Variants in CEP112 observed in about 807,000 individuals in gnomAD.
CEP112 encodes centrosomal protein 112, also known as centrosomal protein of 112 kDa.
In CEP112, 127 loss-of-function variants were observed where a neutral mutation model predicts 153.0. That is an observed-to-expected ratio of 0.83 (90% confidence interval 0.72 to 0.96). The LOEUF (loss-of-function observed/expected upper bound fraction) is 0.96, where lower values mean the gene tolerates loss of function less well. Among genes scored for constraint, CEP112 ranks in the 40% least tolerant of loss-of-function variants. The pLI, the probability that CEP112 is intolerant of heterozygous loss-of-function variation, is 0.00. For synonymous variants in CEP112, 358 were observed against 374.4 expected (o/e 0.96, Z 0.51); for missense variants, 1,089 against 1,101.2 (o/e 0.99, Z 0.16).
intron 24 of CEP112, among the ~76,000 whole-genome samples, chr17:65,650,051 A>T (rs997016465): frequency 2.6e-5 from 4 of 152,186 alleles, no homozygotes; most frequent in African/African-American, 9.6e-5. Context: ...GCAACTCCAG[A>T]GAGTCACCTG....
rs569818688 is a variant in CEP112, at chr17:65,724,308, ACTACTAG to A, written c.2607+18753_2607+18759del. ...CACTTGAAAAACATGATATATGTGT[ACTACTAG>A]GTTTATTTTGCTTAATTTATTGATT... On this transcript the variant is annotated intron_variant, in intron 23 of 26. Coordinates refer to ENST00000535342, the MANE Select transcript of CEP112 (RefSeq NM_001199165.4). 2.0e-3 allele frequency among the ~76,000 whole-genome samples: 310 copies of A among 152,308 alleles called. 1 individual carries two copies. Among genetic ancestry groups the A allele is most frequent in the African/African-American group, 7.2e-3 (300 of 41,556 alleles).
chr17:65,857,730 A>AT (rs1475742532), intron 20 of CEP112, among the ~76,000 whole-genome samples: 2 of 151,516 alleles, frequency 1.3e-5, no homozygotes, highest in Non-Finnish European at 2.9e-5. Context: ...TCCTTGGCAT[A>AT]TTTTTAAATT....
intron 24 of CEP112, among the ~76,000 whole-genome samples, chr17:65,680,495 T>C (rs184559998): frequency 1.1e-4 from 17 of 152,176 alleles, no homozygotes; most frequent in Admixed American, 1.0e-3. Flanking sequence ...CCTCTCCCTC[T>C]TTCCATCCCG....
intron 22 of CEP112, among the ~76,000 whole-genome samples, chr17:65,749,980 A>G (rs2051722295): frequency 6.6e-6 from 1 of 152,188 alleles, no homozygotes; most frequent in African/African-American, 2.4e-5. Context: ...TTTGTTCTAG[A>G]ATCACTTATA....
intron 20 of CEP112, among the ~76,000 whole-genome samples, chr17:65,878,463 A>G (rs2058925051): frequency 6.6e-6 from 1 of 152,190 alleles, no homozygotes; most frequent in Non-Finnish European, 1.5e-5. Context: ...GAGTAAAACA[A>G]AATGATATAT....
At chr17:66,050,357 T>C (rs1165556778) in intron 12 of CEP112, among the ~76,000 whole-genome samples, 5 of 152,154 alleles carry the variant, frequency 3.3e-5, no homozygotes, top group African/African-American at 1.2e-4. Flanking sequence ...CAAAGGATTC[T>C]AGAGCCTCAA....
At chr17:65,890,026 T>C (rs183854061) in intron 20 of CEP112, among the ~76,000 whole-genome samples, 41 of 152,328 alleles carry the variant, frequency 2.7e-4, no homozygotes, top group Non-Finnish European at 5.3e-4. Context: ...TATATATAAA[T>C]TTGTAACACT....
chr17:65,689,668 T>G, intron 23 of CEP112, among the ~76,000 whole-genome samples: 1 of 152,192 alleles, frequency 6.6e-6, no homozygotes, highest in Non-Finnish European at 1.5e-5. Flanking sequence ...GAGTAAATTA[T>G]AGCAGCCTTA....
intron 19 of CEP112, among the ~76,000 whole-genome samples, chr17:65,904,677 G>T (rs1277708106): frequency 1.3e-5 from 2 of 152,148 alleles, no homozygotes; most frequent in African/African-American, 2.4e-5. Flanking sequence ...AAAGCTGGAG[G>T]CATCATGCTA....
chr17:66,037,119 G>C (rs1026889099), intron 12 of CEP112, among the ~76,000 whole-genome samples: 1 of 152,116 alleles, frequency 6.6e-6, no homozygotes, highest in Non-Finnish European at 1.5e-5. Flanking sequence ...TAAAGGAACA[G>C]ACCAGTAGAA....
chr17:65,892,929 A>G (rs2059524169), intron 20 of CEP112, among the ~76,000 whole-genome samples: 1 of 152,180 alleles, frequency 6.6e-6, no homozygotes, highest in South Asian at 2.1e-4. Context: ...CGAAATAAGT[A>G]AGGTCCCACT....
intron 21 of CEP112, among the ~76,000 whole-genome samples, chr17:65,786,911 C>T (rs1315267047): frequency 6.6e-6 from 1 of 152,104 alleles, no homozygotes; most frequent in Admixed American, 6.5e-5. Context: ...CTAAACTCTT[C>T]ATTTCTGACA....
chr17:65,660,574 TCA>T (rs1446459765), intron 24 of CEP112, among the ~76,000 whole-genome samples: 1 of 97,364 alleles, frequency 1.0e-5, no homozygotes, highest in Non-Finnish European at 1.9e-5. Context: ...AGACAGGTTC[TCA>T]CTCTGTTGCC....
chr17:65,852,732 A>G (rs1424489681), intron 20 of CEP112, among the ~76,000 whole-genome samples: 2 of 151,544 alleles, frequency 1.3e-5, no homozygotes, highest in South Asian at 4.2e-4. Context: ...AGTGTTCCCT[A>G]TTGGATTTTT....
intron 12 of CEP112, among the ~76,000 whole-genome samples, chr17:66,036,546 C>T (rs1204491983): frequency 6.6e-6 from 1 of 152,154 alleles, no homozygotes; most frequent in Admixed American, 6.5e-5. Flanking sequence ...AGGCACTGTG[C>T]TAAGTGTTTT....
chr17:65,887,034 G>A (rs1465458206), intron 20 of CEP112, among the ~76,000 whole-genome samples: 1 of 152,040 alleles, frequency 6.6e-6, no homozygotes, highest in Non-Finnish European at 1.5e-5. Context: ...GATTTGTTCT[G>A]TGAAATTGCC....
chr17:65,846,294 T>C (rs2057722010), intron 21 of CEP112, among the ~76,000 whole-genome samples: 2 of 152,174 alleles, frequency 1.3e-5, no homozygotes, highest in Admixed American at 1.3e-4. Flanking sequence ...AAACTCACAG[T>C]AAAAACTCAA....
chr17:65,778,728 T>G (rs1231069477), intron 21 of CEP112, among the ~76,000 whole-genome samples: 4 of 152,226 alleles, frequency 2.6e-5, no homozygotes, highest in Admixed American at 2.0e-4. Flanking sequence ...GTGAAAAAGT[T>G]TCTAAGTATA....
chr17:65,641,684 T>C (rs2143342028), intron 24 of CEP112, among the ~76,000 whole-genome samples: 1 of 152,304 alleles, frequency 6.6e-6, no homozygotes, highest in African/African-American at 2.4e-5. Flanking sequence ...AGATCAAGGC[T>C]GCAGTGAGCC....
Sources: gnomAD v4.1 joint callset for allele counts (sites outside exome capture counted in the v4.1 genomes callset) on GRCh38, gnomAD v4.1.1 for gene constraint, MANE v1.5 for transcripts, NCBI Gene and HGNC (gene_info 2026-07-23, HGNC 2026-07-21) for gene names.